The following UBR2 variants were observed in gnomAD, a reference collection of about 807,000 sequenced individuals.
The protein encoded by UBR2 is ubiquitin protein ligase E3 component n-recognin 2.
In UBR2, 92 loss-of-function variants were observed where a neutral mutation model predicts 247.9. The observed-to-expected ratio is 0.37, with a 90% confidence interval of 0.31 to 0.44. UBR2 has a LOEUF of 0.44. UBR2 is among the 20% of genes least tolerant of loss of function. The probability of loss-of-function intolerance (pLI) is 1.00; values close to 1 mark genes in which losing one functional copy is unlikely to be tolerated. For synonymous variants in UBR2, 672 were observed against 693.5 expected, an observed-to-expected ratio of 0.97 and a Z score of 0.49; for missense variants, 1,613 against 2,112.6, an observed-to-expected ratio of 0.76 and a Z score of 4.64.
rs766212925 is a variant in UBR2, at chr6:42,655,604, C to T, written c.2770-17C>T. ...TTTTTTAAATTTTTACTAAAAGTTACAAAACATTTATTCAAGGTGTTACAT... is the reference window on the plus strand; with the variant it reads ...TTTTTTAAATTTTTACTAAAAGTTATAAAACATTTATTCAAGGTGTTACAT... On this transcript the variant is annotated splice_polypyrimidine_tract_variant and intron_variant, in intron 25 of 46. Transcript: ENST00000372901. 1.7e-5 allele frequency: 24 copies of T among 1,449,050 alleles called. No homozygotes were observed. Among genetic ancestry groups the T allele is most frequent in the Non-Finnish European group, 2.2e-5 (24 of 1,075,958 alleles). The allele number at this position is 1,449,050 out of a possible 1,614,324, so 89.8% of individuals were successfully genotyped here. A position where few individuals can be genotyped will look rare whatever the true frequency, so the allele number is the denominator to read the frequency against.
At chr6:42,603,561 T>A (rs755876582) in intron 4 of UBR2, 27 bp from the exon 5 acceptor site, 1 of 1,529,602 alleles carries the variant, frequency 6.5e-7, no homozygotes, top group Non-Finnish European at 8.7e-7. Flanking sequence ...TTTTTTCTTT[T>A]TCTTTTTTTT....
chr6:42,641,769 TAGTC>T (rs1796464388), intron 17 of UBR2, 77 bp downstream of exon 17: 15 of 1,177,780 alleles, frequency 1.3e-5, no homozygotes, highest in Non-Finnish European at 1.9e-5. Context: ...TCAGTGGACT[TAGTC>T]AGTGAAAGCT....
Position 42,670,714 on chromosome 6 carries a change from T to C in UBR2, c.4085T>C (p.Leu1362Pro). ...TTGTTTGGTCCTTTACCTTGCAGAC[T>C]GGTAAGTTCTCAGTTTATTCAGTTC... The part of the protein sequence containing the change: ...KPLFGPLPCR[L>P]DDCLRSLTRF... The change falls in exon 36 of 47, where the codon CTG becomes CCG. Residue 1362 changes from leucine to proline, a missense_variant and splice_region_variant. Coordinates refer to ENST00000372901, the MANE Select transcript of UBR2 (RefSeq NM_001363705.2). 6.2e-7 allele frequency: 1 copy of C among 1,608,412 alleles called. No individual in the cohort carries two copies. The highest frequency in any genetic ancestry group is 8.5e-7 in the Non-Finnish European group (1 of 1,177,510).
intron 13 of UBR2, 52 bp downstream of exon 13, chr6:42,632,956 C>CTA: frequency 3.2e-6 from 3 of 929,500 alleles, no homozygotes; most frequent in Non-Finnish European, 4.2e-6. Flanking sequence ...TTTCTCTTTT[C>CTA]TCTTTTTTTT....
At chr6:42,570,906 G>A (rs938624113) in intron 1 of UBR2, among the ~76,000 whole-genome samples, 2 of 151,172 alleles carry the variant, frequency 1.3e-5, no homozygotes, top group African/African-American at 4.9e-5. Context: ...AGCTAGACTC[G>A]AACCTCTGAA....
chr6:42,635,169 CAG>C (rs1167480553), intron 13 of UBR2, among the ~76,000 whole-genome samples: 1 of 152,076 alleles, frequency 6.6e-6, no homozygotes, highest in Non-Finnish European at 1.5e-5. Flanking sequence ...TTGCCTAAAA[CAG>C]ATCTTAGATG....
Position 42,691,526 on chromosome 6 carries a change from C to T in UBR2, c.*353C>T, listed in dbSNP as rs138957783. The T allele has an allele frequency of 5.9e-4, 160 of 270,890 alleles. No homozygotes were observed. The highest frequency in any genetic ancestry group is 3.4e-3 in the African/African-American group (148 of 43,102). 16.8% of individuals were successfully genotyped at this position (270,890 alleles called of 1,614,324 possible). ...AACCGTGGGTCCGAAGCTGACTCAA[C>T]GGAGGCAGGGAACAAAGTCTCTGTG... On this transcript the variant is annotated 3_prime_UTR_variant, in exon 47 of 47. Coordinates refer to ENST00000372901, the MANE Select transcript of UBR2 (RefSeq NM_001363705.2).
At chr6:42,681,007 C>A (rs1357107163) in intron 42 of UBR2, among the ~76,000 whole-genome samples, 1 of 151,860 alleles carries the variant, frequency 6.6e-6, no homozygotes, top group African/African-American at 2.4e-5. Flanking sequence ...ACTAAAAATA[C>A]AAAAAATTAG....
At chr6:42,599,580 A>G (rs955345752) in intron 4 of UBR2, among the ~76,000 whole-genome samples, 5 of 152,012 alleles carry the variant, frequency 3.3e-5, no homozygotes, top group Non-Finnish European at 5.9e-5. Flanking sequence ...TTTTTAGCAG[A>G]ATTATTGCAT....
intron 2 of UBR2, among the ~76,000 whole-genome samples, chr6:42,583,249 TTTA>T (rs1335448325): frequency 5.9e-5 from 9 of 152,186 alleles, no homozygotes; most frequent in Non-Finnish European, 1.2e-4. Context: ...TTTATTTACT[TTTA>T]TTTATTTATT....
At chr6:42,619,388 A>C (rs1439841205) in intron 11 of UBR2, 1 of 127,114 alleles carries the variant, frequency 7.9e-6, no homozygotes, top group African/African-American at 2.9e-5. Flanking sequence ...CTTAGTAAAA[A>C]CTTCATAGTT....
At chr6:42,673,610 A>C (rs1381955129) in intron 36 of UBR2, among the ~76,000 whole-genome samples, 181 bp from the exon 37 acceptor site, 1 of 152,216 alleles carries the variant, frequency 6.6e-6, no homozygotes, top group Non-Finnish European at 1.5e-5. Context: ...TTCAGCACAC[A>C]CTTAGACATT....
chr6:42,573,862 G>A lies in UBR2; in HGVS notation c.207G>A (p.Leu69=), dbSNP rs766279657. Residue 69 remains leucine (L), a synonymous_variant, in exon 2 of 47, where the codon TTG becomes TTA. Transcript: ENST00000372901. ...AAGACATGCTGGCACAGCATGTTTT[G>A]TTGGGACCAATGGAATGGTACCTTT... ...QKEDMLAQHV[L]LGPMEWYLCG... is the part of the protein sequence containing the mutation. 6.8e-6 allele frequency: 11 copies of A among 1,614,070 alleles called. No individual in the cohort carries two copies. Among genetic ancestry groups the A allele is most frequent in the South Asian group, 2.2e-5 (2 of 91,064 alleles).
chr6:42,606,961 G>A (rs992826136), intron 7 of UBR2, among the ~76,000 whole-genome samples: 1 of 151,874 alleles, frequency 6.6e-6, no homozygotes. Context: ...AAATTTAAAT[G>A]GCCTTAAGCA....
chr6:42,663,403 A>G lies in UBR2; in HGVS notation c.3682A>G (p.Arg1228Gly). ...NTVIPLLLPP[R>G]NIFNNRLNFS... ...TGTTATTCCTCTGCTGCTTCCTCCAAGAAATATTTTTAACAAGTAAGTTTT... is the reference window on the plus strand; with the variant it reads ...TGTTATTCCTCTGCTGCTTCCTCCAGGAAATATTTTTAACAAGTAAGTTTT... The change falls in exon 32 of 47, where the codon AGA becomes GGA. Residue 1228 changes from arginine to glycine, a missense_variant. Arg to Gly is a moderately radical substitution (Grantham distance 125). Around this residue, in one of 3 missense-constraint regions of UBR2, gnomAD observed 1,524 missense variants for 1,967.3 expected, o/e 0.77. Coordinates refer to ENST00000372901, the MANE Select transcript of UBR2 (RefSeq NM_001363705.2). The G allele has an allele frequency of 6.2e-7, 1 of 1,607,740 alleles. No individual in the cohort carries two copies. The highest frequency in any genetic ancestry group is 8.5e-7 in the Non-Finnish European group (1 of 1,177,848).
chr6:42,577,986 C>T (rs114060224), intron 2 of UBR2, among the ~76,000 whole-genome samples: 3,318 of 151,912 alleles, frequency 0.022, 109 homozygotes, highest in African/African-American at 0.075. Flanking sequence ...TTTTGATACA[C>T]ACACATAAGG....
chr6:42,633,920 G>A (rs1293268498), intron 13 of UBR2, among the ~76,000 whole-genome samples: 5 of 143,494 alleles, frequency 3.5e-5, no homozygotes, highest in African/African-American at 1.0e-4. Flanking sequence ...TAGTAGAGAC[G>A]AGGTTTCACC....
chr6:42,596,918 G>C (rs373958467), intron 4 of UBR2, among the ~76,000 whole-genome samples: 10 of 152,240 alleles, frequency 6.6e-5, no homozygotes, highest in Middle Eastern at 3.4e-3. Flanking sequence ...GTAGTTGCAC[G>C]TTATAATAAA....
chr6:42,590,658 C>T (rs541457524), intron 2 of UBR2, among the ~76,000 whole-genome samples: 3 of 152,260 alleles, frequency 2.0e-5, no homozygotes, highest in Non-Finnish European at 4.4e-5. Context: ...ATTTATGCAC[C>T]TAACTGTACA....
Sources: allele counts gnomAD v4.1 joint callset (sites outside exome capture counted in the v4.1 genomes callset), GRCh38; gene constraint gnomAD v4.1.1; regional missense constraint gnomAD v4.1.1; transcripts MANE v1.5; gene names NCBI Gene and HGNC (gene_info 2026-07-23, HGNC 2026-07-21).